FMN2: variants seen among roughly 807,000 people sequenced by gnomAD.
FMN2 encodes formin-2.
Under a neutral mutation model 142.3 loss-of-function variants are expected in FMN2, and 51 were observed. That is an observed-to-expected ratio of 0.36 (90% confidence interval 0.29 to 0.45). FMN2 has a LOEUF of 0.45. Ranked by LOEUF, FMN2 falls within the 20% of genes least tolerant of loss-of-function variation. The probability of loss-of-function intolerance (pLI) is 1.00; values close to 1 mark genes in which losing one functional copy is unlikely to be tolerated. For missense variants in FMN2, 1,936 were observed against 2,122.8 expected (o/e 0.91, Z 1.73); for synonymous variants, 882 against 869.8 (o/e 1.01, Z -0.25).
intron 7 of FMN2, among the ~76,000 whole-genome samples, chr1:240,259,486 A>ATTTT (rs1558398276): frequency 3.0e-5 from 2 of 67,166 alleles, no homozygotes; most frequent in African/African-American, 1.4e-4. Flanking sequence ...AACCCTGTAC[A>ATTTT]CTTTTTTTTT....
chr1:240,301,170 ATT>A (rs11301299), intron 8 of FMN2, among the ~76,000 whole-genome samples: 21,696 of 142,092 alleles, frequency 0.15, 1,995 homozygotes, highest in African/African-American at 0.26. Context: ...TTTTATTTCT[ATT>A]TTTTTTTTTT....
At chr1:240,194,423 T>A (rs1665836955) in intron 4 of FMN2, among the ~76,000 whole-genome samples, 1 of 151,974 alleles carries the variant, frequency 6.6e-6, no homozygotes, top group South Asian at 2.1e-4. Context: ...TAGGGAAGAG[T>A]CCAGCGTGAA....
intron 15 of FMN2, among the ~76,000 whole-genome samples, chr1:240,418,275 C>T (rs1674649906): frequency 6.6e-6 from 1 of 151,142 alleles, no homozygotes; most frequent in Non-Finnish European, 1.5e-5. Flanking sequence ...TCTCAGCTCA[C>T]TGCAACCTCC....
chr1:240,458,567 A>C (rs183653803), intron 16 of FMN2: 54 of 152,332 alleles, frequency 3.5e-4, no homozygotes, highest in African/African-American at 1.3e-3. Context: ...AATAGAGCTT[A>C]ACTTTATATC....
Position 240,137,019 on chromosome 1 carries a change from G to A in FMN2, c.1782+13674G>A, listed in dbSNP as rs1162638723. On this transcript the variant is annotated intron_variant, in intron 2 of 17. Transcript: ENST00000319653. ...CAAGAGGCGGACATTGCAGTGAGCC[G>A]AGATCGCGCTACTGCACTCCAGCCT... 4.2e-5 allele frequency among the ~76,000 whole-genome samples: 6 copies of A among 142,842 alleles called. No homozygotes were observed. In the South Asian group the frequency reaches 6.8e-4, roughly 16 times the overall value. The allele number at this position is 142,842 out of a possible 152,430, so 93.7% of individuals were successfully genotyped here. A position where few individuals can be genotyped will look rare whatever the true frequency, so the allele number is the denominator to read the frequency against.
intron 6 of FMN2, among the ~76,000 whole-genome samples, chr1:240,252,187 G>A (rs1668299176): frequency 6.6e-6 from 1 of 152,136 alleles, no homozygotes; most frequent in Non-Finnish European, 1.5e-5. Context: ...AGGATTACAG[G>A]TGTGAGCCAC....
At chr1:240,387,946 G>A (rs913090440) in intron 14 of FMN2, among the ~76,000 whole-genome samples, 1 of 151,960 alleles carries the variant, frequency 6.6e-6, no homozygotes, top group Non-Finnish European at 1.5e-5. Context: ...GGGAGGCCGA[G>A]GCGGGTGGAT....
chr1:240,199,463 C>A (rs1002374388), intron 4 of FMN2, among the ~76,000 whole-genome samples: 1 of 152,094 alleles, frequency 6.6e-6, no homozygotes, highest in African/African-American at 2.4e-5. Context: ...ACAGTTGTAA[C>A]CTTAATGTTA....
chr1:240,424,777 G>C (rs1226914301), intron 15 of FMN2, among the ~76,000 whole-genome samples: 1 of 152,178 alleles, frequency 6.6e-6, no homozygotes, highest in Non-Finnish European at 1.5e-5. Flanking sequence ...CTCTGGGTTA[G>C]AGACAGAACT....
At chr1:240,145,528 C>CTTTTTTTTTTTTTT (rs1663413756) in intron 2 of FMN2, 1 of 88,302 alleles carries the variant, frequency 1.1e-5, no homozygotes, top group Non-Finnish European at 2.3e-5. Context: ...TTTTCTTTTT[C>CTTTTTTTTTTTTTT]TATTTTTTTT....
rs184257351 is a variant in FMN2, at chr1:240,420,663, G to A, written c.4911-17398G>A. 4.7e-4 allele frequency among the ~76,000 whole-genome samples: 71 copies of A among 152,286 alleles called. 1 individual carries two copies. Among genetic ancestry groups the A allele is most frequent in the Middle Eastern group, 3.4e-3 (1 of 294 alleles). On this transcript the variant is annotated intron_variant, in intron 15 of 17. Coordinates refer to ENST00000319653, the MANE Select transcript of FMN2 (RefSeq NM_020066.5). ...GATAAAATGTGCTGGTGTGGATGCC[G>A]TCACAGCTGGTGTGGACACCAGGAT...
At chr1:240,228,327 A>AAAG (rs1553346276) in intron 6 of FMN2, among the ~76,000 whole-genome samples, 3 of 78,390 alleles carry the variant, frequency 3.8e-5, no homozygotes, top group Non-Finnish European at 6.9e-5. Flanking sequence ...AAAAAAAAAA[A>AAAG]AAAAAGAAAA....
intron 15 of FMN2, among the ~76,000 whole-genome samples, chr1:240,406,193 G>A (rs1396666247): frequency 9.1e-5 from 5 of 54,804 alleles, no homozygotes; most frequent in Non-Finnish European, 1.6e-4. Context: ...AAGCAGCCTC[G>A]GGAGTCGGGG....
intron 14 of FMN2, among the ~76,000 whole-genome samples, chr1:240,386,582 C>T (rs529851716): frequency 2.0e-5 from 3 of 152,210 alleles, no homozygotes; most frequent in Admixed American, 6.5e-5. Flanking sequence ...TTTCACATTG[C>T]GAAAGAGTCT....
At chr1:240,130,664 T>G (rs1377014250) in intron 2 of FMN2, among the ~76,000 whole-genome samples, 1 of 152,230 alleles carries the variant, frequency 6.6e-6, no homozygotes, top group African/African-American at 2.4e-5. Context: ...TAGTTTAGTT[T>G]ACATTTGGCT....
chr1:240,243,339 G>C (rs1158214758), intron 6 of FMN2, among the ~76,000 whole-genome samples: 1 of 152,140 alleles, frequency 6.6e-6, no homozygotes, highest in Non-Finnish European at 1.5e-5. Flanking sequence ...TCCAAAGTAA[G>C]AAAACTGAAT....
At chr1:240,123,443 A>G (rs1239248399) in intron 2 of FMN2, 98 bp downstream of exon 2, 9 of 1,273,862 alleles carry the variant, frequency 7.1e-6, no homozygotes, top group African/African-American at 1.5e-5. Flanking sequence ...TTTAAAAACA[A>G]CATGTGATTC....
chr1:240,222,377 G>A (rs1156950246), intron 6 of FMN2, among the ~76,000 whole-genome samples: 2 of 152,132 alleles, frequency 1.3e-5, no homozygotes, highest in Non-Finnish European at 2.9e-5. Flanking sequence ...GTACCATGCT[G>A]TTTTGGTTAC....
At position 240,147,085 on chromosome 1, in the gene FMN2, G is replaced by A. The variant is rs1189299697; in HGVS notation, c.1782+23740G>A. ...GGAGGAGCAAGTCATAGAAAATTGG[G>A]GCTTTTTTTTCTTGTTTCTTCATGC... On this transcript the variant is annotated intron_variant, in intron 2 of 17. Coordinates refer to ENST00000319653, the MANE Select transcript of FMN2 (RefSeq NM_020066.5). 2.6e-5 allele frequency among the ~76,000 whole-genome samples: 4 copies of A among 152,092 alleles called. No individual in the cohort carries two copies. In the South Asian group the frequency reaches 6.2e-4, roughly 24 times the overall value.
Sources: allele counts gnomAD v4.1 joint callset (sites outside exome capture counted in the v4.1 genomes callset), GRCh38; gene constraint gnomAD v4.1.1; transcripts MANE v1.5; gene names NCBI Gene and HGNC (gene_info 2026-07-23, HGNC 2026-07-21).